PRKX: variants seen among roughly 807,000 people sequenced by gnomAD.
The protein encoded by PRKX is cAMP-dependent protein kinase catalytic subunit PRKX.
Under a neutral mutation model 22.0 loss-of-function variants are expected in PRKX, and 12 were observed. The ratio of observed to expected loss-of-function variants is 0.54; its 90% CI spans 0.35 to 0.88. PRKX has a LOEUF of 0.88. Among genes scored for constraint, PRKX ranks in the 40% least tolerant of loss-of-function variants. The pLI is 0.01. For synonymous variants in PRKX, 134 were observed against 137.7 expected, an observed-to-expected ratio of 0.97 and a Z score of 0.19; for missense variants, 217 against 308.0, an observed-to-expected ratio of 0.70 and a Z score of 2.21.
chrX:3,671,510 G>A, intron 2 of PRKX, among the ~76,000 whole-genome samples: 1 of 111,691 alleles, frequency 9.0e-6, no homozygotes, highest in East Asian at 2.8e-4. Context: ...TTTAAATGAT[G>A]AGGAAAAATT....
chrX:3,633,397 C>CA (rs1926826246), intron 4 of PRKX, among the ~76,000 whole-genome samples: 1 of 108,820 alleles, frequency 9.2e-6, no homozygotes, highest in African/African-American at 3.3e-5. Context: ...CCTATCTCTA[C>CA]AAAAAAATTT....
chrX:3,673,043 G>A (rs1462280301), intron 2 of PRKX, among the ~76,000 whole-genome samples: 2 of 111,162 alleles, frequency 1.8e-5, no homozygotes, highest in Admixed American at 9.6e-5. Flanking sequence ...GGGAGCCACC[G>A]CGCCCATCCT....
rs868782442 is a variant in PRKX, at chrX:3,654,474, T to G, written c.599+675A>C. On this transcript the variant is annotated intron_variant, in intron 3 of 8. Transcript: ENST00000262848. ...TCAATTTGGTTTTTTTTTTTTTTTT[T>G]TTTGTTTTGTTTTTTTTTGAGATAG... Among the ~76,000 whole-genome samples the G allele has an allele frequency of 2.8e-3, 263 of 93,980 alleles. 1 individual carries two copies. The highest frequency in any genetic ancestry group is 8.9e-3 in the African/African-American group (239 of 26,747). The allele number at this position is 93,980 out of a possible 115,157, so 81.6% of individuals were successfully genotyped here. A position where few individuals can be genotyped will look rare whatever the true frequency, so the allele number is the denominator to read the frequency against.
At chrX:3,648,121 T>C (rs1927228258) in intron 3 of PRKX, among the ~76,000 whole-genome samples, 1 of 112,047 alleles carries the variant, frequency 8.9e-6, no homozygotes, top group Non-Finnish European at 1.9e-5. Context: ...TTTTAACCAG[T>C]TCACAAAGCA....
At chrX:3,666,447 C>T (rs77781800) in intron 2 of PRKX, among the ~76,000 whole-genome samples, 15,765 of 110,679 alleles carry the variant, frequency 0.14, 1,189 homozygotes, top group Admixed American at 0.36. Context: ...TGAGCCACCA[C>T]GCCCAGCCGT....
intron 1 of PRKX, among the ~76,000 whole-genome samples, chrX:3,689,758 A>G (rs1371565098): frequency 8.9e-6 from 1 of 112,047 alleles, no homozygotes; most frequent in Non-Finnish European, 1.9e-5. Flanking sequence ...CGGGCGGATC[A>G]CAAGGTCAGG....
chrX:3,659,721 TTTTTTTTG>T (rs552678081), intron 2 of PRKX, among the ~76,000 whole-genome samples: 12,401 of 45,431 alleles, frequency 0.27, 1,054 homozygotes, highest in African/African-American at 0.48. Context: ...TTTTTTGTTT[TTTTTTTTG>T]TTTTTTTTTT....
intron 1 of PRKX, among the ~76,000 whole-genome samples, chrX:3,696,919 C>T (rs969853362): frequency 8.9e-6 from 1 of 112,202 alleles, no homozygotes; most frequent in African/African-American, 3.2e-5. Flanking sequence ...ACTTGAGAGG[C>T]TGAGGCACGA....
Position 3,605,012 on chromosome X carries a change from G to GACACACACACACACAC in PRKX, c.*3941_*3956dup, listed in dbSNP as rs745485596. The GACACACACACACACAC allele has an allele frequency of 2.6e-4, 22 of 84,568 alleles. No individual in the cohort carries two copies. The highest frequency in any genetic ancestry group is 8.0e-4 in the African/African-American group (18 of 22,556). The allele number at this position is 84,568 out of a possible 1,213,427, so 7.0% of individuals were successfully genotyped here. On this transcript the variant is annotated 3_prime_UTR_variant, in exon 9 of 9. Coordinates refer to ENST00000262848, the MANE Select transcript of PRKX (RefSeq NM_005044.5). ...AAATACAGCCCCTCACCTTCACCAAGACACACACACACACACACACACACA... is the reference window on the plus strand; with the variant it reads ...AAATACAGCCCCTCACCTTCACCAAGACACACACACACACACACACACACACACACACACACACACA...
intron 4 of PRKX, among the ~76,000 whole-genome samples, chrX:3,627,755 T>C (rs1256708663): frequency 9.0e-6 from 1 of 110,980 alleles, no homozygotes; most frequent in Non-Finnish European, 1.9e-5. Context: ...TGAGCCACTG[T>C]GCCTGGCCAA....
intron 5 of PRKX, among the ~76,000 whole-genome samples, chrX:3,626,055 T>A (rs1926653769): frequency 9.0e-6 from 1 of 111,515 alleles, no homozygotes; most frequent in Non-Finnish European, 1.9e-5. Flanking sequence ...AGAGAAAGGA[T>A]AAAACTCTGC....
intron 4 of PRKX, among the ~76,000 whole-genome samples, chrX:3,632,397 G>A (rs1227216019): frequency 9.0e-6 from 1 of 111,035 alleles, no homozygotes; most frequent in Non-Finnish European, 1.9e-5. Context: ...TCACCTGCCC[G>A]CAGCGTTCTC....
chrX:3,664,399 G>A (rs985771020), intron 2 of PRKX, among the ~76,000 whole-genome samples: 8 of 111,284 alleles, frequency 7.2e-5, no homozygotes, highest in Non-Finnish European at 5.7e-5. Flanking sequence ...ACCATCCCTC[G>A]CTATTTCTTC....
intron 2 of PRKX, among the ~76,000 whole-genome samples, chrX:3,658,442 C>G (rs1047806049): frequency 9.0e-6 from 1 of 110,980 alleles, no homozygotes; most frequent in Admixed American, 9.6e-5. Context: ...GCCACCATGC[C>G]TGGCTAATTT....
chrX:3,652,214 T>A (rs1032989523), intron 3 of PRKX, among the ~76,000 whole-genome samples: 2 of 110,412 alleles, frequency 1.8e-5, no homozygotes, highest in Non-Finnish European at 3.8e-5. Context: ...GTCAGGAGAT[T>A]GAGACCATCC....
chrX:3,682,721 C>T (rs1928100343), intron 1 of PRKX, among the ~76,000 whole-genome samples: 1 of 109,107 alleles, frequency 9.2e-6, no homozygotes, highest in South Asian at 4.0e-4. Flanking sequence ...CTGGGAGAGG[C>T]AGGAAGGAGC....
In PRKX at chrX:3,626,547, G is replaced by C. The variant is rs372853060; in HGVS notation, c.720-33C>G. 1.3e-4 allele frequency: 141 copies of C among 1,063,937 alleles called. No homozygotes were observed. In the African/African-American group the frequency reaches 2.4e-3, roughly 18 times the overall value. The allele number at this position is 1,063,937 out of a possible 1,213,427, so 87.7% of individuals were successfully genotyped here. A position where few individuals can be genotyped will look rare whatever the true frequency, so the allele number is the denominator to read the frequency against. ...AAAAACAAACATGTATTTTTAGTGG[G>C]GAGTAAGCATGGAAAAAAATCCCTG... On this transcript the variant is annotated intron_variant, in intron 4 of 8. Transcript: ENST00000262848.
At chrX:3,700,104 C>T (rs758105226) in intron 1 of PRKX, among the ~76,000 whole-genome samples, 16 of 111,950 alleles carry the variant, frequency 1.4e-4, no homozygotes, top group Non-Finnish European at 2.4e-4. Flanking sequence ...CAAAATTAGG[C>T]GGTGACCTTT....
intron 3 of PRKX, among the ~76,000 whole-genome samples, chrX:3,651,128 C>A (rs186916223): frequency 2.0e-3 from 216 of 109,641 alleles, no homozygotes; most frequent in Non-Finnish European, 3.6e-3. Flanking sequence ...AGAAAAAAGC[C>A]CCCACAAAAA....
Sources: allele counts gnomAD v4.1 joint callset (sites outside exome capture counted in the v4.1 genomes callset), GRCh38; gene constraint gnomAD v4.1.1; transcripts MANE v1.5; gene names NCBI Gene and HGNC (gene_info 2026-07-23, HGNC 2026-07-21).